The following TNFAIP2 variants were observed in gnomAD, a reference collection of about 807,000 sequenced individuals.
TNFAIP2 encodes the protein TNF alpha induced protein 2, also known as tumor necrosis factor alpha-induced protein 2.
TNFAIP2 carries 47 observed loss-of-function variants against 63.5 expected under a neutral mutation model. The observed-to-expected ratio is 0.74, with a 90% CI of 0.59 to 0.94. TNFAIP2 has a LOEUF of 0.94. TNFAIP2 is among the 40% of genes least tolerant of loss of function. The pLI, the probability that TNFAIP2 is intolerant of heterozygous loss-of-function variation, is 0.00. For synonymous variants in TNFAIP2, 405 were observed against 390.2 expected (o/e 1.04, Z -0.45); for missense variants, 787 against 850.2 (o/e 0.93, Z 0.92).
At chr14:103,129,266 G>A (rs1410678481) in intron 3 of TNFAIP2, among the ~76,000 whole-genome samples, 3 of 152,236 alleles carry the variant, frequency 2.0e-5, no homozygotes, top group African/African-American at 4.8e-5. Flanking sequence ...CAGGGCTGCT[G>A]TGAGTAGGAG....
intron 1 of TNFAIP2, 34 bp from the exon 2 acceptor site, chr14:103,126,275 TG>T: frequency 1.8e-6 from 1 of 566,616 alleles, no homozygotes; most frequent in South Asian, 2.1e-5. Context: ...GGCCGGTCCA[TG>T]GTGACCACTG....
At chr14:103,126,247 G>A in intron 1 of TNFAIP2, 63 bp from the exon 2 acceptor site, 2 of 518,656 alleles carry the variant, frequency 3.9e-6, no homozygotes, top group African/African-American at 3.8e-5. Context: ...ATAGCTGTGT[G>A]TCCAGCCTGG....
At position 103,132,740 on chromosome 14, in the gene TNFAIP2, C is replaced by A. The variant is rs1386839870; in HGVS notation, c.1423-10C>A. 6 of 1,611,572 alleles carry A rather than the reference C, an allele frequency of 3.7e-6. No individual in the cohort carries two copies. Among genetic ancestry groups the A allele is most frequent in the Admixed American group, 1.7e-5 (1 of 59,744 alleles). ...GGGCGTGACTAGACATCCTGCCTCT[C>A]CTGTCTCAGCCACTGTTCAAGAGGT... On this transcript the variant is annotated splice_polypyrimidine_tract_variant and intron_variant, in intron 8 of 11. Coordinates refer to ENST00000560869, the MANE Select transcript of TNFAIP2 (RefSeq NM_006291.4).
Position 103,127,205 on chromosome 14 carries a change from G to C in TNFAIP2, c.436G>C (p.Ala146Pro). The change falls in exon 3 of 12, where the codon GCG becomes CCG. Residue 146 changes from alanine to proline, a missense_variant. By Grantham distance (27) the Ala-to-Pro change is conservative. Transcript: ENST00000560869. The surrounding 1 kb of genome is among the most constrained non-coding windows in gnomAD (Gnocchi z 5.1). The stretch of plus-strand genomic sequence containing the variant: ...GGGCGTGCTGCGGCGGCCGCTGGAG[G>C]CGCCGCCCGAGCGGCTGCGCCAGGC... ...VLGVLRRPLE[A>P]PPERLRQALA... The C allele has an allele frequency of 9.0e-7, 1 of 1,116,184 alleles. No homozygotes were observed. Among genetic ancestry groups the C allele is most frequent in the South Asian group, 2.4e-5 (1 of 42,116 alleles). The allele number at this position is 1,116,184 out of a possible 1,614,324, so 69.1% of individuals were successfully genotyped here. A position where few individuals can be genotyped will look rare whatever the true frequency, so the allele number is the denominator to read the frequency against.
At chr14:103,130,843 G>A (rs2087957372) in intron 6 of TNFAIP2, among the ~76,000 whole-genome samples, 1 of 152,204 alleles carries the variant, frequency 6.6e-6, no homozygotes, top group Non-Finnish European at 1.5e-5. Context: ...CCTGGGAGCA[G>A]CAGAGATGGG....
rs1237090489 is a variant in TNFAIP2 at position 103,136,038 on chromosome 14, A to C, written c.*678A>C. On this transcript the variant is annotated 3_prime_UTR_variant, in exon 12 of 12. Transcript: ENST00000560869. Reference sequence around the variant, plus strand: ...CTTCATCCCCCAAGGCCTCAACTAGAGGGTGGTCCCCCGAGGGCTTGGTGT... The same window carrying C: ...CTTCATCCCCCAAGGCCTCAACTAGCGGGTGGTCCCCCGAGGGCTTGGTGT... 2 of 1,268,952 alleles carry C rather than the reference A, an allele frequency of 1.6e-6. No individual in the cohort carries two copies. Among genetic ancestry groups the C allele is most frequent in the Non-Finnish European group, 2.0e-6 (2 of 979,648 alleles). 78.6% of individuals were successfully genotyped at this position (1,268,952 alleles called of 1,614,324 possible).
chr14:103,132,629 C>A lies in TNFAIP2; in HGVS notation c.1423-121C>A. 11 of 1,455,246 alleles carry A rather than the reference C, an allele frequency of 7.6e-6. No individual in the cohort carries two copies. In the South Asian group the frequency reaches 1.3e-4, roughly 18 times the overall value. The allele number at this position is 1,455,246 out of a possible 1,614,324, so 90.1% of individuals were successfully genotyped here. A position where few individuals can be genotyped will look rare whatever the true frequency, so the allele number is the denominator to read the frequency against. On this transcript the variant is annotated intron_variant, in intron 8 of 11. Transcript: ENST00000560869. ...GGGTTCCCTGGGAGTCCTTGAGTGCCCCCCGCCCCTCCACCAGGCACATGT... is the reference window on the plus strand; with the variant it reads ...GGGTTCCCTGGGAGTCCTTGAGTGCACCCCGCCCCTCCACCAGGCACATGT...
At position 103,131,890 on chromosome 14, in the gene TNFAIP2, G is replaced by T; in HGVS notation, c.1422+128G>T. 7.5e-7 allele frequency: 1 copy of T among 1,334,100 alleles called. No homozygotes were observed. The highest frequency in any genetic ancestry group is 1.0e-6 in the Non-Finnish European group (1 of 999,230). The allele number at this position is 1,334,100 out of a possible 1,614,324, so 82.6% of individuals were successfully genotyped here. A position where few individuals can be genotyped will look rare whatever the true frequency, so the allele number is the denominator to read the frequency against. Reference sequence around the variant, plus strand: ...AAGACACGCTCCAGGCCTGTGGACGGCACCGTGGGCCAGCTCTGGTGCAGC... The same window carrying T: ...AAGACACGCTCCAGGCCTGTGGACGTCACCGTGGGCCAGCTCTGGTGCAGC... On this transcript the variant is annotated intron_variant, in intron 8 of 11. Transcript: ENST00000560869. The surrounding 1 kb of genome is among the most constrained non-coding windows in gnomAD (Gnocchi z 4.0).
In TNFAIP2 at chr14:103,131,956, G is replaced by A. The variant is rs2139563936; in HGVS notation, c.1422+194G>A. On this transcript the variant is annotated intron_variant, in intron 8 of 11. Coordinates refer to ENST00000560869, the MANE Select transcript of TNFAIP2 (RefSeq NM_006291.4). The surrounding 1 kb of genome is among the most constrained non-coding windows in gnomAD (Gnocchi z 4.0). Reference sequence around the variant, plus strand: ...GGGACCCTAGCAGGCTCTGAACTCCGCCGATCATGTCCTGGGGTTTCACCT... The same window carrying A: ...GGGACCCTAGCAGGCTCTGAACTCCACCGATCATGTCCTGGGGTTTCACCT... 8.8e-6 allele frequency among the ~76,000 whole-genome samples: 1 copy of A among 113,330 alleles called. No homozygotes were observed. The highest frequency in any genetic ancestry group is 2.8e-4 in the South Asian group (1 of 3,630). 74.3% of individuals were successfully genotyped at this position (113,330 alleles called of 152,430 possible). A position where few individuals can be genotyped will look rare whatever the true frequency, so the allele number is the denominator to read the frequency against.
intron 11 of TNFAIP2, among the ~76,000 whole-genome samples, chr14:103,134,179 A>G (rs761494217): frequency 6.6e-6 from 1 of 152,226 alleles, no homozygotes; most frequent in Non-Finnish European, 1.5e-5. Flanking sequence ...ACCAGGGCTC[A>G]TATTCGGGAG....
chr14:103,135,119 C>T lies in TNFAIP2; in HGVS notation c.1824-100C>T, dbSNP rs2088067737. 1.9e-5 allele frequency: 28 copies of T among 1,471,632 alleles called. No individual in the cohort carries two copies. Among genetic ancestry groups the T allele is most frequent in the African/African-American group, 2.8e-5 (2 of 72,058 alleles). 91.2% of individuals were successfully genotyped at this position (1,471,632 alleles called of 1,614,324 possible). A position where few individuals can be genotyped will look rare whatever the true frequency, so the allele number is the denominator to read the frequency against. ...AAGTGCAGCCCCCTCGTGGGCCGGG[C>T]GTTGGCTGTCGGGCCCTGTGGCACT... is the stretch of plus-strand genomic sequence containing the variant. On this transcript the variant is annotated intron_variant, in intron 11 of 11. Coordinates refer to ENST00000560869, the MANE Select transcript of TNFAIP2 (RefSeq NM_006291.4). This position sits in a 1 kb window ranked among gnomAD's most constrained non-coding sequence, Gnocchi z 7.6.
Position 103,133,350 on chromosome 14 carries a change from T to G in TNFAIP2, c.1546-12T>G, listed in dbSNP as rs780408025. 2.0e-5 allele frequency: 32 copies of G among 1,611,846 alleles called. 1 individual carries two copies. In the Admixed American group the frequency reaches 5.2e-4, roughly 26 times the overall value. On this transcript the variant is annotated splice_polypyrimidine_tract_variant and intron_variant, in intron 9 of 11. Coordinates refer to ENST00000560869, the MANE Select transcript of TNFAIP2 (RefSeq NM_006291.4). ...AGACAGCTCACACGCCCCTGGCTGC[T>G]TGCCCTCCCAGGAGCTCATGGAGGC...
chr14:103,135,955 C>T lies in TNFAIP2; in HGVS notation c.*595C>T. ...GCACCGCCAGCATTAGACGTCACATCCAGGTGGCCCCACGGCCCCTACAGG... is the reference window on the plus strand; with the variant it reads ...GCACCGCCAGCATTAGACGTCACATTCAGGTGGCCCCACGGCCCCTACAGG... On this transcript the variant is annotated 3_prime_UTR_variant, in exon 12 of 12. Coordinates refer to ENST00000560869, the MANE Select transcript of TNFAIP2 (RefSeq NM_006291.4). This position sits in a 1 kb window ranked among gnomAD's most constrained non-coding sequence, Gnocchi z 7.6. 1.6e-6 allele frequency: 2 copies of T among 1,289,650 alleles called. No individual in the cohort carries two copies. The highest frequency in any genetic ancestry group is 2.0e-6 in the Non-Finnish European group (2 of 988,976). 79.9% of individuals were successfully genotyped at this position (1,289,650 alleles called of 1,614,324 possible). A position where few individuals can be genotyped will look rare whatever the true frequency, so the allele number is the denominator to read the frequency against.
rs571054343 is a variant in TNFAIP2, at chr14:103,135,637, G to C, written c.*277G>C. ...GTAAACGATAGCTGATCGTGTGCAC[G>C]CAAGGAAAGAACCAGGAGGGAGAGT... On this transcript the variant is annotated 3_prime_UTR_variant, in exon 12 of 12. Coordinates refer to ENST00000560869, the MANE Select transcript of TNFAIP2 (RefSeq NM_006291.4). The surrounding 1 kb of genome is among the most constrained non-coding windows in gnomAD (Gnocchi z 7.6). The C allele has an allele frequency of 7.6e-7, 1 of 1,322,316 alleles. No homozygotes were observed. The highest frequency in any genetic ancestry group is 3.2e-5 in the Admixed American group (1 of 31,090). The allele number at this position is 1,322,316 out of a possible 1,614,324, so 81.9% of individuals were successfully genotyped here.
chr14:103,126,868 G>A, intron 2 of TNFAIP2, 137 bp from the exon 3 acceptor site: 1 of 1,382,468 alleles, frequency 7.2e-7, no homozygotes, highest in Non-Finnish European at 9.5e-7. Flanking sequence ...CCTAGTCAGG[G>A]ACACCGACAT....
In TNFAIP2 at chr14:103,127,081, G is replaced by GGCC; in HGVS notation, c.314_315insCGC (p.Ala110dup). The GGCC allele has an allele frequency of 9.4e-7, 1 of 1,060,930 alleles. No individual in the cohort carries two copies. The allele number at this position is 1,060,930 out of a possible 1,614,324, so 65.7% of individuals were successfully genotyped here. On this transcript the variant is annotated inframe_insertion, in exon 3 of 12. Coordinates refer to ENST00000560869, the MANE Select transcript of TNFAIP2 (RefSeq NM_006291.4). The surrounding 1 kb of genome is among the most constrained non-coding windows in gnomAD (Gnocchi z 5.1). ...CGCTGCTGGCGCTGGAGCGGGAGCTGGCGGCGGCGGCGGCGGCGGGCGGTG... is the reference window on the plus strand; with the variant it reads ...CGCTGCTGGCGCTGGAGCGGGAGCTGGCCGCGGCGGCGGCGGCGGCGGGCGGTG...
At chr14:103,130,478 A>G in intron 6 of TNFAIP2, 63 bp downstream of exon 6, 2 of 1,468,590 alleles carry the variant, frequency 1.4e-6, no homozygotes, top group South Asian at 1.2e-5. Flanking sequence ...GCCCCTCCCT[A>G]GTGCCTCAGG....
Position 103,126,682 on chromosome 14 carries a change from GC to G in TNFAIP2, c.231del (p.Thr78GlnfsTer5). ...GGTCCAGGCAGGGGCTGGATGGCCCGCCCCCCACAGGTGCTCTAGGACCCTG... is the reference window on the plus strand; with the variant it reads ...GGTCCAGGCAGGGGCTGGATGGCCCGCCCCCACAGGTGCTCTAGGACCCTG... The part of the protein sequence containing the change: ...AGSRQGLDGP[P>X]PTVEELKAAL... On this transcript the variant is annotated frameshift_variant, in exon 2 of 12. Coordinates refer to ENST00000560869, the MANE Select transcript of TNFAIP2 (RefSeq NM_006291.4). LOFTEE classifies it high-confidence loss of function. 1 of 1,557,740 alleles carries G rather than the reference GC, an allele frequency of 6.4e-7. No homozygotes were observed. Among genetic ancestry groups the G allele is most frequent in the South Asian group, 1.2e-5 (1 of 84,642 alleles).
At chr14:103,134,449 TACCCATCCACCC>T (rs2088053858) in intron 11 of TNFAIP2, among the ~76,000 whole-genome samples, 1 of 150,420 alleles carries the variant, frequency 6.6e-6, no homozygotes, top group South Asian at 2.1e-4. Flanking sequence ...ATCACCTGTC[TACCCATCCACCC>T]ACCCACCCAC....
Sources: gnomAD v4.1 joint callset for allele counts (sites outside exome capture counted in the v4.1 genomes callset) on GRCh38, gnomAD v4.1.1 for gene constraint, Gnocchi (gnomAD v3.1) non-coding constraint, MANE v1.5 for transcripts, NCBI Gene and HGNC (gene_info 2026-07-23, HGNC 2026-07-21) for gene names.